The following DDX27 variants were observed in gnomAD, a reference collection of about 807,000 sequenced individuals.
The protein encoded by DDX27 is probable ATP-dependent RNA helicase DDX27.
DDX27 carries 42 observed loss-of-function variants against 99.3 expected under a neutral mutation model. That is an observed-to-expected ratio of 0.42 (90% CI 0.33 to 0.55). DDX27 has a LOEUF of 0.55. Ranked by LOEUF, DDX27 falls within the 20% of genes least tolerant of loss-of-function variation. The pLI, the probability that DDX27 is intolerant of heterozygous loss-of-function variation, is 0.07. For missense variants in DDX27, 798 were observed against 976.8 expected, an observed-to-expected ratio of 0.82 and a Z score of 2.44; for synonymous variants, 329 against 353.8, an observed-to-expected ratio of 0.93 and a Z score of 0.79.
chr20:49,235,893 G>A lies in DDX27; in HGVS notation c.1428-257G>A, dbSNP rs536241931. The A allele has an allele frequency of 2.7e-3, 603 of 223,128 alleles. 1 individual carries two copies. The highest frequency in any genetic ancestry group is 5.2e-3 in the Admixed American group (90 of 17,430). The allele number at this position is 223,128 out of a possible 1,614,324, so 13.8% of individuals were successfully genotyped here. ...CAAGTAGCTGGGACTACAGGCGCCC[G>A]CCACCATGCCTGGCTAATTTTTTGT... On this transcript the variant is annotated intron_variant, in intron 12 of 20. Transcript: ENST00000618172.
rs1406080123 is a variant in DDX27, at chr20:49,236,243, CTA to C, written c.1509+14_1509+15del. 1 of 1,597,950 alleles carries C rather than the reference CTA, an allele frequency of 6.3e-7. No individual in the cohort carries two copies. Among genetic ancestry groups the C allele is most frequent in the South Asian group, 1.1e-5 (1 of 88,728 alleles). Reference sequence around the variant, plus strand: ...AGGGGGTCAAAACGGTGAGCAGACACTATCTTCCTTGGACTTTTGGTGGAAGT... The same window carrying C: ...AGGGGGTCAAAACGGTGAGCAGACACTCTTCCTTGGACTTTTGGTGGAAGT... On this transcript the variant is annotated intron_variant, in intron 13 of 20. Coordinates refer to ENST00000618172, the MANE Select transcript of DDX27 (RefSeq NM_017895.8). The surrounding 1 kb of genome is among the most constrained non-coding windows in gnomAD (Gnocchi z 4.1).
intron 14 of DDX27, chr20:49,238,636 T>G: frequency 3.3e-6 from 1 of 303,404 alleles, no homozygotes; most frequent in East Asian, 8.0e-5. Flanking sequence ...CCCAGCTGAT[T>G]TTTGTATTTT....
chr20:49,241,781 C>T, intron 16 of DDX27, 112 bp from the exon 17 acceptor site: 1 of 1,226,634 alleles, frequency 8.2e-7, no homozygotes, highest in African/African-American at 1.5e-5. Context: ...GAAGTGCTTG[C>T]CGCTTTTCAT....
intron 7 of DDX27, among the ~76,000 whole-genome samples, chr20:49,227,146 G>A (rs1243816958): frequency 6.6e-6 from 1 of 152,088 alleles, no homozygotes; most frequent in Non-Finnish European, 1.5e-5. Flanking sequence ...ACAGGCGTGA[G>A]CCACCGCGCC....
At position 49,223,431 on chromosome 20, in the gene DDX27, C is replaced by T; in HGVS notation, c.464C>T (p.Ala155Val). The T allele has an allele frequency of 6.2e-7, 1 of 1,606,740 alleles. No individual in the cohort carries two copies. Among genetic ancestry groups the T allele is most frequent in the Non-Finnish European group, 8.5e-7 (1 of 1,177,816 alleles). ...SSADENILTK[A>V]DTLKVKDRKK... ...GCTGATGAGAACATCCTCACCAAAGCAGGTAGACGTTACGGCGGAGGTGTC... is the reference window on the plus strand; with the variant it reads ...GCTGATGAGAACATCCTCACCAAAGTAGGTAGACGTTACGGCGGAGGTGTC... Residue 155 changes from alanine to valine, a missense_variant and splice_region_variant, in exon 4 of 21, where the codon GCA becomes GTA. By Grantham distance (64) the Ala-to-Val change is moderately conservative. This residue lies in a region of DDX27 where 245 missense variants were observed against 248.8 expected (regional missense o/e 0.98). Transcript: ENST00000618172.
chr20:49,225,035 C>A (rs985370691), intron 5 of DDX27, 44 bp downstream of exon 5: 5 of 1,613,356 alleles, frequency 3.1e-6, no homozygotes, highest in Middle Eastern at 1.6e-4. Context: ...GTTGGCAAAC[C>A]GAAAGGAGTT....
intron 9 of DDX27, among the ~76,000 whole-genome samples, chr20:49,232,463 C>G (rs1435713920): frequency 6.6e-6 from 1 of 151,812 alleles, no homozygotes; most frequent in African/African-American, 2.4e-5. Context: ...AACCCCATCT[C>G]TACTAAAAAT....
At position 49,236,983 on chromosome 20, in the gene DDX27, G is replaced by T. The variant is rs115218288; in HGVS notation, c.1687+473G>T. On this transcript the variant is annotated intron_variant, in intron 14 of 20. Transcript: ENST00000618172. The surrounding 1 kb of genome is among the most constrained non-coding windows in gnomAD (Gnocchi z 4.1). ...CACCTTCTGCCTCCCAAAGTGCCGGGATTAACAGTAATGAGCCACCATGCC... is the reference window on the plus strand; with the variant it reads ...CACCTTCTGCCTCCCAAAGTGCCGGTATTAACAGTAATGAGCCACCATGCC... 1.5e-3 allele frequency among the ~76,000 whole-genome samples: 231 copies of T among 152,178 alleles called. 1 individual carries two copies. The highest frequency in any genetic ancestry group is 5.5e-3 in the African/African-American group (228 of 41,526).
intron 19 of DDX27, 21 bp from the exon 20 acceptor site, chr20:49,243,608 G>C (rs965890186): frequency 2.7e-5 from 44 of 1,612,894 alleles, no homozygotes; most frequent in Non-Finnish European, 3.5e-5. Context: ...GCTCATTTCA[G>C]CATGTCATCT....
At chr20:49,222,247 T>C (rs6019697) in intron 2 of DDX27, among the ~76,000 whole-genome samples, 47,350 of 151,334 alleles carry the variant, frequency 0.31, 8,208 homozygotes, top group African/African-American at 0.45. Flanking sequence ...ATTCTTGTGC[T>C]TTAGCCTCCC....
At chr20:49,221,862 CCAAA>C (rs1036073552) in intron 2 of DDX27, among the ~76,000 whole-genome samples, 3 of 142,358 alleles carry the variant, frequency 2.1e-5, no homozygotes, top group Non-Finnish European at 4.5e-5. Context: ...CTCTTTAATA[CCAAA>C]CAAAGTATGA....
At chr20:49,220,642 T>C (rs756529935) in intron 1 of DDX27, among the ~76,000 whole-genome samples, 9 of 152,206 alleles carry the variant, frequency 5.9e-5, no homozygotes, top group Non-Finnish European at 1.0e-4. Context: ...GCCTGCTGGC[T>C]GCGGCCCCCT....
chr20:49,239,157 C>T (rs1020945633), intron 15 of DDX27, 79 bp from the exon 16 acceptor site: 1 of 1,535,896 alleles, frequency 6.5e-7, no homozygotes, highest in Non-Finnish European at 9.0e-7. Context: ...CCATCAGAGC[C>T]CCAGGCATTT....
chr20:49,233,319 T>A lies in DDX27; in HGVS notation c.1045T>A (p.Tyr349Asn). Residue 349 changes from tyrosine to asparagine, a missense_variant, in exon 10 of 21, where the codon TAC becomes AAC. Physicochemically the swap from Tyr to Asn is moderately radical, Grantham distance 143. Coordinates refer to ENST00000618172, the MANE Select transcript of DDX27 (RefSeq NM_017895.8). ...CTCTGCTCCCAGGATGCTGGATGAG[T>A]ACTTTGAGGAGCAGATGAAGGAGAT... ...LDEADRMLDE[Y>N]FEEQMKEIIR... 6.2e-7 allele frequency: 1 copy of A among 1,613,754 alleles called. No individual in the cohort carries two copies.
chr20:49,223,306 AG>A lies in DDX27; in HGVS notation c.340del (p.Glu114LysfsTer47), dbSNP rs1428549423. The A allele has an allele frequency of 6.2e-7, 1 of 1,613,250 alleles. No homozygotes were observed. The highest frequency in any genetic ancestry group is 8.5e-7 in the Non-Finnish European group (1 of 1,179,886). Reference sequence around the variant, plus strand: ...AGTCTGGGAAGTTGGAAAAGGAGAAAGAAGCAAAGGAAGGCTCTGAACCAAA... The same window carrying A: ...AGTCTGGGAAGTTGGAAAAGGAGAAAAAGCAAAGGAAGGCTCTGAACCAAA... ...AKSGKLEKEK[E>X]AKEGSEPKEQ... On this transcript the variant is annotated frameshift_variant, in exon 4 of 21. Transcript: ENST00000618172. LOFTEE classifies it high-confidence loss of function.
intron 14 of DDX27, 161 bp from the exon 15 acceptor site, chr20:49,238,788 T>TTG: frequency 3.9e-6 from 1 of 253,410 alleles, no homozygotes; most frequent in East Asian, 5.8e-5. Context: ...TTTTTTTTTT[T>TTG]TTGTAGAGAC....
At position 49,242,812 on chromosome 20, in the gene DDX27, C is replaced by G. The variant is rs1267525871; in HGVS notation, c.2204+131C>G. Reference sequence around the variant, plus strand: ...TCTTAGCTCACTGCAAGCTCCACCTCCTGGGTTCAAGCAATTCTCCTGCCT... The same window carrying G: ...TCTTAGCTCACTGCAAGCTCCACCTGCTGGGTTCAAGCAATTCTCCTGCCT... On this transcript the variant is annotated intron_variant, in intron 19 of 20. Transcript: ENST00000618172. The G allele has an allele frequency of 3.2e-5, 27 of 851,428 alleles. No homozygotes were observed. The East Asian group carries it at 7.1e-4, about 22-fold the overall frequency. The allele number at this position is 851,428 out of a possible 1,614,324, so 52.7% of individuals were successfully genotyped here.
intron 7 of DDX27, among the ~76,000 whole-genome samples, chr20:49,226,826 G>C (rs544556139): frequency 7.5e-6 from 1 of 132,454 alleles, no homozygotes; most frequent in Non-Finnish European, 1.6e-5. Flanking sequence ...ACACAAAAAA[G>C]ATATACTGGT....
intron 6 of DDX27, among the ~76,000 whole-genome samples, chr20:49,225,551 G>C (rs1979855756): frequency 6.6e-6 from 1 of 151,296 alleles, no homozygotes; most frequent in African/African-American, 2.4e-5. Context: ...CACCTCCCGG[G>C]TTCACGCCAT....
Sources: gnomAD v4.1 joint callset for allele counts (sites outside exome capture counted in the v4.1 genomes callset) on GRCh38, gnomAD v4.1.1 for gene constraint, gnomAD v4.1.1 regional missense constraint, Gnocchi (gnomAD v3.1) non-coding constraint, MANE v1.5 for transcripts, NCBI Gene and HGNC (gene_info 2026-07-23, HGNC 2026-07-21) for gene names.